The following A2M variants were observed in gnomAD, a reference collection of about 807,000 sequenced individuals.
A2M encodes the protein C3 and PZP-like alpha-2-macroglobulin domain-containing protein 5.
A2M carries 128 observed loss-of-function variants against 183.9 expected under a neutral mutation model. The ratio of observed to expected loss-of-function variants is 0.70; its 90% CI spans 0.60 to 0.81. A2M has a LOEUF of 0.81. Ranked by LOEUF, A2M falls within the 30% of genes least tolerant of loss-of-function variation. The pLI, the probability that A2M is intolerant of heterozygous loss-of-function variation, is 0.00. For synonymous variants in A2M, 592 were observed against 670.8 expected (o/e 0.88, Z 1.81); for missense variants, 1,495 against 1,787.6 (o/e 0.84, Z 2.95).
intron 6 of A2M, among the ~76,000 whole-genome samples, chr12:9,109,621 C>G (rs749063110): frequency 5.9e-5 from 9 of 152,248 alleles, no homozygotes; most frequent in Admixed American, 2.6e-4. Flanking sequence ...ATGGAAAACT[C>G]CATTAAAACA....
At chr12:9,068,654 T>C (rs1035815512) in intron 34 of A2M, 86 bp downstream of exon 34, 1 of 1,070,648 alleles carries the variant, frequency 9.3e-7, no homozygotes. Context: ...TTACTTAATG[T>C]AATAAATAAC....
intron 13 of A2M, among the ~76,000 whole-genome samples, chr12:9,100,165 A>G (rs1297934894): frequency 1.3e-5 from 2 of 152,198 alleles, no homozygotes; most frequent in Non-Finnish European, 2.9e-5. Context: ...CAGTCGGTAG[A>G]AGTACCCAAT....
In A2M at chr12:9,076,938, T is replaced by A. The variant is rs112722877; in HGVS notation, c.3352-2A>T. On this transcript the variant is annotated splice_acceptor_variant, in intron 27 of 35. Coordinates refer to ENST00000318602, the MANE Select transcript of A2M (RefSeq NM_000014.6). LOFTEE classifies it high-confidence loss of function. ...CAGGGCATTGCGGACAACAGGGTGC[T>A]GTGAAGGCAGAACAAGAAGGGAACT... is the stretch of plus-strand genomic sequence containing the variant. 6.3e-7 allele frequency: 1 copy of A among 1,575,344 alleles called. No individual in the cohort carries two copies. The highest frequency in any genetic ancestry group is 8.6e-7 in the Non-Finnish European group (1 of 1,160,216).
intron 31 of A2M, among the ~76,000 whole-genome samples, chr12:9,071,425 G>GA (rs200862130): frequency 1.3e-4 from 20 of 151,240 alleles, no homozygotes; most frequent in African/African-American, 2.2e-4. Context: ...CAAATTAAAT[G>GA]AAAAAAATAT....
At chr12:9,096,669 A>C (rs1949390530) in intron 15 of A2M, among the ~76,000 whole-genome samples, 1 of 152,250 alleles carries the variant, frequency 6.6e-6, no homozygotes. Context: ...TATTCGTAGG[A>C]GTTTAAAACT....
At chr12:9,116,093 G>T (rs768625553), upstream of A2M, 2 of 481,476 alleles carry the variant, frequency 4.2e-6, no homozygotes, top group South Asian at 3.9e-5. Flanking sequence ...TCCCTGGAGG[G>T]CTAAAACTAC....
intron 22 of A2M, among the ~76,000 whole-genome samples, chr12:9,087,966 A>T (rs1291805266): frequency 1.3e-5 from 2 of 152,158 alleles, no homozygotes; most frequent in Non-Finnish European, 2.9e-5. Flanking sequence ...AAAAACCAAT[A>T]TAGGAAGACT....
In A2M at chr12:9,070,509, G is replaced by A. The variant is rs1185902976; in HGVS notation, c.4173C>T (p.Pro1391=). 1.9e-6 allele frequency: 3 copies of A among 1,613,376 alleles called. No homozygotes were observed. Among genetic ancestry groups the A allele is most frequent in the Non-Finnish European group, 2.5e-6 (3 of 1,179,468 alleles). The stretch of plus-strand genomic sequence containing the variant: ...CTACCATTTTCACTGTTGGCTTCAG[G>A]GGAATGAAGCCAGAGACCATCTTCA... The part of the protein sequence containing the change: ...VDVKMVSGFI[P]LKPTVKMLER... Residue 1391 remains proline (P), a synonymous_variant, in exon 32 of 36, where the codon CCC becomes CCT. Coordinates refer to ENST00000318602, the MANE Select transcript of A2M (RefSeq NM_000014.6).
chr12:9,074,458 ACTGT>A, intron 29 of A2M, 98 bp downstream of exon 29: 1 of 1,140,836 alleles, frequency 8.8e-7, no homozygotes, highest in Middle Eastern at 2.4e-4. Flanking sequence ...ATTTCAAGTT[ACTGT>A]CATCTGTATT....
chr12:9,097,565 A>T (rs933442278), intron 15 of A2M, among the ~76,000 whole-genome samples: 3 of 152,114 alleles, frequency 2.0e-5, no homozygotes, highest in Admixed American at 1.3e-4. Flanking sequence ...TTCCTCAGAG[A>T]TAATACATAT....
At chr12:9,106,690 T>TG (rs1228883720) in intron 8 of A2M, 85 bp from the exon 9 acceptor site, 3 of 644,892 alleles carry the variant, frequency 4.7e-6, no homozygotes, top group East Asian at 2.8e-5. Context: ...GTGATTTTTG[T>TG]GGGGGGACAA....
At chr12:9,112,703 A>C in intron 2 of A2M, 167 bp from the exon 3 acceptor site, 1 of 661,446 alleles carries the variant, frequency 1.5e-6, no homozygotes, top group Non-Finnish European at 2.6e-6. Context: ...CCATTTTACA[A>C]ATGGGGAGAC....
At position 9,072,833 on chromosome 12, in the gene A2M, T is replaced by C; in HGVS notation, c.3795A>G (p.Gly1265=). Residue 1265 remains glycine (G), a synonymous_variant, in exon 30 of 36, where the codon GGA becomes GGG. Coordinates refer to ENST00000318602, the MANE Select transcript of A2M (RefSeq NM_000014.6). ...TCCCAGTCCTGGTAAATGTGGCTGC[T>C]CCATATTTGGACAGAGCATGGAGAG... ...VVALHALSKY[G]AATFTRTGKA... 1 of 1,614,088 alleles carries C rather than the reference T, an allele frequency of 6.2e-7. No homozygotes were observed. The highest frequency in any genetic ancestry group is 1.1e-5 in the South Asian group (1 of 91,088).
intron 18 of A2M, among the ~76,000 whole-genome samples, chr12:9,092,166 G>C (rs1949232231): frequency 6.6e-6 from 1 of 152,112 alleles, no homozygotes. Flanking sequence ...AAAGCAGTAA[G>C]GGCACTTCCC....
In A2M at chr12:9,112,058, A is replaced by G. The variant is rs1938768965; in HGVS notation, c.483+101T>C. On this transcript the variant is annotated intron_variant, in intron 4 of 35. Coordinates refer to ENST00000318602, the MANE Select transcript of A2M (RefSeq NM_000014.6). ...GTAATGCCAGAAGTTACTGTTAATG[A>G]TACCAGATTCTTCCTCTCCCTGGTC... 10 of 1,081,860 alleles carry G rather than the reference A, an allele frequency of 9.2e-6. No homozygotes were observed. In the South Asian group the frequency reaches 1.0e-4, roughly 11 times the overall value. The allele number at this position is 1,081,860 out of a possible 1,614,324, so 67.0% of individuals were successfully genotyped here. A position where few individuals can be genotyped will look rare whatever the true frequency, so the allele number is the denominator to read the frequency against.
In A2M at chr12:9,112,376, C is replaced by T; in HGVS notation, c.430+1G>A. Reference sequence around the variant, plus strand: ...TGTCCTGTCTGTAGGCTTCTTCATACCTGTCTGCCCTGGTTTGTAGATTGA... The same window carrying T: ...TGTCCTGTCTGTAGGCTTCTTCATATCTGTCTGCCCTGGTTTGTAGATTGA... On this transcript the variant is annotated splice_donor_variant, in intron 3 of 35. Transcript: ENST00000318602. LOFTEE classifies it high-confidence loss of function. 2 of 1,613,276 alleles carry T rather than the reference C, an allele frequency of 1.2e-6. No individual in the cohort carries two copies. The highest frequency in any genetic ancestry group is 1.7e-6 in the Non-Finnish European group (2 of 1,179,382).
intron 34 of A2M, 23 bp downstream of exon 34, chr12:9,068,717 A>T: frequency 6.5e-7 from 1 of 1,529,724 alleles, no homozygotes; most frequent in Middle Eastern, 1.7e-4. Flanking sequence ...AAATATTTCT[A>T]CGTGAAAATC....
At chr12:9,102,755 G>A (rs970908481) in intron 11 of A2M, among the ~76,000 whole-genome samples, 1 of 152,160 alleles carries the variant, frequency 6.6e-6, no homozygotes, top group African/African-American at 2.4e-5. Flanking sequence ...CAGGGAACAG[G>A]TAGAAATAAT....
intron 13 of A2M, 83 bp from the exon 14 acceptor site, chr12:9,099,606 T>G (rs1451217247): frequency 6.2e-6 from 9 of 1,454,586 alleles, no homozygotes; most frequent in Non-Finnish European, 8.3e-6. Context: ...TAATAAACAG[T>G]AGATGTAACA....
Sources: gnomAD v4.1 joint callset for allele counts (sites outside exome capture counted in the v4.1 genomes callset) on GRCh38, gnomAD v4.1.1 for gene constraint, MANE v1.5 for transcripts, NCBI Gene and HGNC (gene_info 2026-07-23, HGNC 2026-07-21) for gene names.